The following OR2T35 variants were observed in gnomAD, a reference collection of about 807,000 sequenced individuals.
The protein encoded by OR2T35 is olfactory receptor family 2 subfamily T member 35 (gene/pseudogene), also known as olfactory receptor 2T35.
For synonymous variants in OR2T35, 18 were observed against 110.2 expected, an observed-to-expected ratio of 0.16 and a Z score of 5.24; for missense variants, 47 against 278.8, an observed-to-expected ratio of 0.17 and a Z score of 5.92.
At chr1:248,643,206 CAG>C (rs1474648927) in intron 1 of OR2T35, among the ~76,000 whole-genome samples, 1 of 44,640 alleles carries the variant, frequency 2.2e-5, no homozygotes, top group Admixed American at 2.1e-4. Context: ...CTCCAGACCT[CAG>C]TGTTCTTTCA....
In OR2T35 at chr1:248,638,059, A is replaced by G. The variant is rs1660724882; in HGVS notation, c.*228T>C. ...GCTACTGTTCCTAAGTAATCCTTGC[A>G]ACAGGATGATTTTGCCTGTTAATTT... On this transcript the variant is annotated 3_prime_UTR_variant, in exon 2 of 2. Transcript: ENST00000641268. 3.7e-6 allele frequency: 1 copy of G among 271,580 alleles called. No individual in the cohort carries two copies. Among genetic ancestry groups the G allele is most frequent in the African/African-American group, 2.8e-5 (1 of 35,404 alleles). 16.8% of individuals were successfully genotyped at this position (271,580 alleles called of 1,614,324 possible).
chr1:248,641,697 TAAAAAA>T lies in OR2T35; in HGVS notation c.-22-2423_-22-2418del, dbSNP rs3033658. Among the ~76,000 whole-genome samples, 8 of 58,836 alleles carry T rather than the reference TAAAAAA, an allele frequency of 1.4e-4. 1 individual carries two copies. The highest frequency in any genetic ancestry group is 6.0e-4 in the East Asian group (1 of 1,674). The allele number at this position is 58,836 out of a possible 152,430, so 38.6% of individuals were successfully genotyped here. The stretch of plus-strand genomic sequence containing the variant: ...CATTTTTATACAACCGAGACCGTGT[TAAAAAA>T]AAAAAAAAAAAGGTTCCTTGTGAGT... On this transcript the variant is annotated intron_variant, in intron 1 of 1. Coordinates refer to ENST00000641268, the MANE Select transcript of OR2T35 (RefSeq NM_001001827.2).
chr1:248,645,270 C>T lies in OR2T35; in HGVS notation c.-46G>A, dbSNP rs1660847887. The T allele has an allele frequency of 8.0e-6, 1 of 124,274 alleles. No individual in the cohort carries two copies. Among genetic ancestry groups the T allele is most frequent in the African/African-American group, 2.8e-5 (1 of 35,662 alleles). 7.7% of individuals were successfully genotyped at this position (124,274 alleles called of 1,614,324 possible). A position where few individuals can be genotyped will look rare whatever the true frequency, so the allele number is the denominator to read the frequency against. On this transcript the variant is annotated 5_prime_UTR_variant, in exon 1 of 2. Coordinates refer to ENST00000641268, the MANE Select transcript of OR2T35 (RefSeq NM_001001827.2). ...ACCTAAACTACATTGTCAAGGATAT[C>T]ACCAATGGACTAGAAAGAAAGAAGT...
Position 248,638,946 on chromosome 1 carries a change from G to GTTA in OR2T35, c.312_313insTAA (p.Tyr104_Leu105insTer). 4.1e-5 allele frequency: 2 copies of GTTA among 48,496 alleles called. No homozygotes were observed. The highest frequency in any genetic ancestry group is 1.8e-4 in the South Asian group (1 of 5,464). The allele number at this position is 48,496 out of a possible 1,614,324, so 3.0% of individuals were successfully genotyped here. Reference sequence around the variant, plus strand: ...AAGAATTCCCCTCCAATCAGGGTCAGGTAGAAGATTTGAACTGCACAGCCC... The same window carrying GTTA: ...AAGAATTCCCCTCCAATCAGGGTCAGTTAGTAGAAGATTTGAACTGCACAGCCC... On this transcript the variant is annotated stop_gained and inframe_insertion, in exon 2 of 2. Transcript: ENST00000641268. LOFTEE classifies it low-confidence loss of function (END_TRUNC).
chr1:248,638,549 G>T lies in OR2T35; in HGVS notation c.710C>A (p.Ala237Asp), dbSNP rs764289234. 6 of 1,547,554 alleles carry T rather than the reference G, an allele frequency of 3.9e-6. 1 individual carries two copies. Among genetic ancestry groups the T allele is most frequent in the Non-Finnish European group, 5.3e-6 (6 of 1,135,736 alleles). ...RMNSAEGRRK[A>D]FATCSSHIMV... is the part of the protein sequence containing the mutation. ...AATGTGGGAGGAACACGTAGCAAAG[G>T]CTTTGCGCCGGCCCTCAGCAGAGTT... Residue 237 changes from alanine (A) to aspartate (D), a missense_variant, in exon 2 of 2, where the codon GCC becomes GAC. By Grantham distance (126) the Ala-to-Asp change is moderately radical. Transcript: ENST00000641268.
Position 248,642,259 on chromosome 1 carries a change from T to C in OR2T35, c.-22-2979A>G, listed in dbSNP as rs1399973165. On this transcript the variant is annotated intron_variant, in intron 1 of 1. Coordinates refer to ENST00000641268, the MANE Select transcript of OR2T35 (RefSeq NM_001001827.2). ...AAGAAAAAGAAAAAGAAAAAGCTTT[T>C]ATTTGCGTGATCAAAGCTTCAGGCT... 1.4e-4 allele frequency among the ~76,000 whole-genome samples: 17 copies of C among 125,364 alleles called. 1 individual carries two copies. Among genetic ancestry groups the C allele is most frequent in the African/African-American group, 4.3e-4 (17 of 39,708 alleles). The allele number at this position is 125,364 out of a possible 152,430, so 82.2% of individuals were successfully genotyped here. A position where few individuals can be genotyped will look rare whatever the true frequency, so the allele number is the denominator to read the frequency against.
At chr1:248,641,713 A>AAAAAG (rs199902940) in intron 1 of OR2T35, among the ~76,000 whole-genome samples, 8 of 73,564 alleles carry the variant, frequency 1.1e-4, no homozygotes, top group Admixed American at 5.5e-4. Flanking sequence ...AAAAAAAAAA[A>AAAAAG]AGGTTCCTTG....
chr1:248,641,588 C>G (rs191760153), intron 1 of OR2T35, among the ~76,000 whole-genome samples: 32 of 83,860 alleles, frequency 3.8e-4, no homozygotes, highest in African/African-American at 8.9e-4. Context: ...ACGTTTTCAA[C>G]CCCTAGATCT....
intron 1 of OR2T35, among the ~76,000 whole-genome samples, chr1:248,641,718 T>A (rs1430993767): frequency 1.5e-5 from 1 of 67,092 alleles, no homozygotes; most frequent in African/African-American, 4.4e-5. Context: ...AAAAAAAGGT[T>A]CCTTGTGAGT....
At chr1:248,642,927 TCC>T (rs1357649199) in intron 1 of OR2T35, among the ~76,000 whole-genome samples, 1,121 of 80,636 alleles carry the variant, frequency 0.014, 25 homozygotes, top group African/African-American at 0.052. Context: ...ACAAACACAT[TCC>T]GTGTTCAAAA....
In OR2T35 at chr1:248,644,484, G is replaced by A. The variant is rs1394761384; in HGVS notation, c.-23+763C>T. On this transcript the variant is annotated intron_variant, in intron 1 of 1. Coordinates refer to ENST00000641268, the MANE Select transcript of OR2T35 (RefSeq NM_001001827.2). ...CAATGTAAATAATGTCAAAAGGCTCGAAAATGGGAATTAGCAGGCACTAGG... is the reference window on the plus strand; with the variant it reads ...CAATGTAAATAATGTCAAAAGGCTCAAAAATGGGAATTAGCAGGCACTAGG... Among the ~76,000 whole-genome samples the A allele has an allele frequency of 3.2e-5, 4 of 125,048 alleles. No homozygotes were observed. In the South Asian group the frequency reaches 9.8e-4, roughly 30 times the overall value. The allele number at this position is 125,048 out of a possible 152,430, so 82.0% of individuals were successfully genotyped here.
At chr1:248,641,692 C>A (rs188233268) in intron 1 of OR2T35, among the ~76,000 whole-genome samples, 6,962 of 51,802 alleles carry the variant, frequency 0.13, 2,479 homozygotes, top group Non-Finnish European at 0.26. Flanking sequence ...CAACCGAGAC[C>A]GTGTTAAAAA....
rs770963405 is a variant in OR2T35, at chr1:248,638,720, TCA to T, written c.537_538del (p.Cys179Ter). On this transcript the variant is annotated stop_gained and frameshift_variant, in exon 2 of 2. Transcript: ENST00000641268. LOFTEE classifies it low-confidence loss of function (END_TRUNC). Reference sequence around the variant, plus strand: ...AGACAACTTCAGCACGGCTGGGATCTCACAGAAAAAGTGATTGATCTCTCGGG... The same window carrying T: ...AGACAACTTCAGCACGGCTGGGATCTCAGAAAAAGTGATTGATCTCTCGGG... 92 of 1,294,780 alleles carry T rather than the reference TCA, an allele frequency of 7.1e-5. 2 individuals are homozygous for T. The highest frequency in any genetic ancestry group is 3.9e-4 in the Admixed American group (21 of 53,404). The allele number at this position is 1,294,780 out of a possible 1,614,324, so 80.2% of individuals were successfully genotyped here.
chr1:248,642,226 AAAAAAAAAAG>A (rs1198995571), intron 1 of OR2T35, among the ~76,000 whole-genome samples: 1,669 of 61,650 alleles, frequency 0.027, 53 homozygotes, highest in East Asian at 0.12. Flanking sequence ...CAAAAAAAAA[AAAAAAAAAAG>A]AAAAAGAAAA....
intron 1 of OR2T35, among the ~76,000 whole-genome samples, chr1:248,642,216 C>CAAAAAAAAAAAAAAAAAAAAAAAA (rs61189391): frequency 3.7e-5 from 2 of 53,660 alleles, no homozygotes; most frequent in Non-Finnish European, 1.2e-4. Flanking sequence ...CTAGTCTTTC[C>CAAAAAAAAAAAAAAAAAAAAAAAA]AAAAAAAAAA....
At position 248,644,607 on chromosome 1, in the gene OR2T35, G is replaced by A. The variant is rs866760066; in HGVS notation, c.-23+640C>T. Among the ~76,000 whole-genome samples, 474 of 144,290 alleles carry A rather than the reference G, an allele frequency of 3.3e-3. 1 individual carries two copies. The highest frequency in any genetic ancestry group is 0.012 in the African/African-American group (445 of 38,438). 94.7% of individuals were successfully genotyped at this position (144,290 alleles called of 152,430 possible). On this transcript the variant is annotated intron_variant, in intron 1 of 1. Transcript: ENST00000641268. ...GGAGTGCGGCTGGAAAGTGAAGGCA[G>A]AGAGACCAGAACTCAGCGTCGAGAA...
At position 248,641,715 on chromosome 1, in the gene OR2T35, G is replaced by A. The variant is rs866920723; in HGVS notation, c.-22-2435C>T. ...ACCGTGTTAAAAAAAAAAAAAAAAA[G>A]GTTCCTTGTGAGTGTGAGCGTTGTG... On this transcript the variant is annotated intron_variant, in intron 1 of 1. Transcript: ENST00000641268. 3.5e-4 allele frequency among the ~76,000 whole-genome samples: 20 copies of A among 56,846 alleles called. 6 individuals carry two copies. Among genetic ancestry groups the A allele is most frequent in the Admixed American group, 6.7e-4 (3 of 4,502 alleles). The allele number at this position is 56,846 out of a possible 152,430, so 37.3% of individuals were successfully genotyped here.
At position 248,639,387 on chromosome 1, in the gene OR2T35, C is replaced by A; in HGVS notation, c.-22-107G>T. 8.5e-6 allele frequency: 5 copies of A among 591,464 alleles called. No homozygotes were observed. In the South Asian group the frequency reaches 1.0e-4, roughly 12 times the overall value. The allele number at this position is 591,464 out of a possible 1,614,324, so 36.6% of individuals were successfully genotyped here. A position where few individuals can be genotyped will look rare whatever the true frequency, so the allele number is the denominator to read the frequency against. On this transcript the variant is annotated intron_variant, in intron 1 of 1. Transcript: ENST00000641268. ...CGTGAGATCAAGAAAAGATCACCTA[C>A]TTCAGGATCATTTGAAATCCTGGGT...
At chr1:248,644,659 G>C (rs1268912155) in intron 1 of OR2T35, among the ~76,000 whole-genome samples, 1 of 140,952 alleles carries the variant, frequency 7.1e-6, no homozygotes, top group African/African-American at 2.7e-5. Context: ...AGTTGTTTCA[G>C]TCAGAAAGTT....
Sources: allele counts gnomAD v4.1 joint callset (sites outside exome capture counted in the v4.1 genomes callset), GRCh38; gene constraint gnomAD v4.1.1; transcripts MANE v1.5; gene names NCBI Gene and HGNC (gene_info 2026-07-23, HGNC 2026-07-21).